The following TC2N variants were observed in gnomAD, a reference collection of about 807,000 sequenced individuals.
TC2N encodes the protein tandem C2 domains, nuclear.
Under a neutral mutation model 61.9 loss-of-function variants are expected in TC2N, and 51 were observed. The ratio of observed to expected loss-of-function variants is 0.82; its 90% CI spans 0.66 to 1.04. The LOEUF (loss-of-function observed/expected upper bound fraction) is 1.04, where lower values mean the gene tolerates loss of function less well. TC2N is among the 50% of genes least tolerant of loss of function. TC2N has a pLI of 0.00. For synonymous variants in TC2N, 204 were observed against 192.6 expected (o/e 1.06, Z -0.49); for missense variants, 556 against 566.7 (o/e 0.98, Z 0.19).
At chr14:91,799,761 A>G (rs1033492731) in intron 5 of TC2N, among the ~76,000 whole-genome samples, 17 of 152,254 alleles carry the variant, frequency 1.1e-4, no homozygotes, top group African/African-American at 4.1e-4. Context: ...TATAGGAAAT[A>G]TGGGAATTTG....
At chr14:91,827,420 C>G (rs1048770381) in intron 1 of TC2N, among the ~76,000 whole-genome samples, 9 of 152,176 alleles carry the variant, frequency 5.9e-5, no homozygotes, top group Admixed American at 5.9e-4. Flanking sequence ...CTAGAAGAAA[C>G]CTGCATTCCT....
intron 1 of TC2N, among the ~76,000 whole-genome samples, chr14:91,831,400 AAG>A (rs1015321372): frequency 6.6e-6 from 1 of 152,212 alleles, no homozygotes; most frequent in African/African-American, 2.4e-5. Context: ...ACTTTTTAAA[AAG>A]AAAAAAATTA....
intron 9 of TC2N, among the ~76,000 whole-genome samples, chr14:91,792,073 C>T (rs1885684395): frequency 6.6e-6 from 1 of 151,340 alleles, no homozygotes; most frequent in Non-Finnish European, 1.5e-5. Context: ...GAGCCGAGAT[C>T]GCACCACTGC....
At position 91,791,131 on chromosome 14, in the gene TC2N, C is replaced by CA. The variant is rs1363273869; in HGVS notation, c.1047+1235dup. Among the ~76,000 whole-genome samples the CA allele has an allele frequency of 2.6e-3, 324 of 124,960 alleles. 3 individuals are homozygous for CA. The highest frequency in any genetic ancestry group is 9.1e-3 in the African/African-American group (301 of 33,210). The allele number at this position is 124,960 out of a possible 152,430, so 82.0% of individuals were successfully genotyped here. A position where few individuals can be genotyped will look rare whatever the true frequency, so the allele number is the denominator to read the frequency against. On this transcript the variant is annotated intron_variant, in intron 9 of 11. Transcript: ENST00000435962. ...GGGCTACAGAGCTTTCTGTCTTCCT[C>CA]AAAAAAAAGGGGAAGGGAAGGGAGG...
At chr14:91,863,517 G>T (rs751088886) in intron 1 of TC2N, among the ~76,000 whole-genome samples, 4 of 152,168 alleles carry the variant, frequency 2.6e-5, no homozygotes, top group Non-Finnish European at 5.9e-5. Flanking sequence ...GCCTAAAAAG[G>T]TGAGATAGCT....
Position 91,813,719 on chromosome 14 carries a change from T to C in TC2N, c.51A>G (p.Glu17=), listed in dbSNP as rs758396322. ...KSCCGGCFYG[E]TEKHNFSVER... Reference sequence around the variant, plus strand: ...AAAACTCACAGTTGTGTTTTTCTGTTTCACCATAGAAACATCCTCCACAGC... The same window carrying C: ...AAAACTCACAGTTGTGTTTTTCTGTCTCACCATAGAAACATCCTCCACAGC... Residue 17 remains glutamate (E), a synonymous_variant, in exon 2 of 12, where the codon GAA becomes GAG. Coordinates refer to ENST00000435962, the MANE Select transcript of TC2N (RefSeq NM_001128596.3). The C allele has an allele frequency of 1.2e-6, 2 of 1,607,270 alleles. No individual in the cohort carries two copies. The highest frequency in any genetic ancestry group is 2.2e-5 in the South Asian group (2 of 90,454).
chr14:91,792,252 G>T, intron 9 of TC2N, 115 bp downstream of exon 9: 1 of 513,954 alleles, frequency 1.9e-6, no homozygotes, highest in Non-Finnish European at 3.3e-6. Flanking sequence ...ATTGCTACTT[G>T]AGAGCCTTCC....
chr14:91,797,111 A>G (rs1053200509), intron 8 of TC2N, among the ~76,000 whole-genome samples: 9 of 152,074 alleles, frequency 5.9e-5, no homozygotes, highest in African/African-American at 1.9e-4. Context: ...AATACCTGTA[A>G]AAGTTTTCCT....
In TC2N at chr14:91,805,658, C is replaced by T. The variant is rs118177849; in HGVS notation, c.302-3237G>A. On this transcript the variant is annotated intron_variant, in intron 3 of 11. Transcript: ENST00000435962. The stretch of plus-strand genomic sequence containing the variant: ...CCAGCTTGGTGACAGACTGAGACTC[C>T]GTTTCAAAAAAAAAAAAGTTTATAC... Among the ~76,000 whole-genome samples, 807 of 150,016 alleles carry T rather than the reference C, an allele frequency of 5.4e-3. 25 individuals carry two copies. In the South Asian group the frequency reaches 0.08, roughly 15 times the overall value.
At chr14:91,814,996 AT>A (rs1194314356) in intron 1 of TC2N, among the ~76,000 whole-genome samples, 6 of 151,652 alleles carry the variant, frequency 4.0e-5, no homozygotes, top group African/African-American at 7.2e-5. Context: ...GAAAAAGCAT[AT>A]TTAAAAAAAA....
At chr14:91,852,505 A>C (rs1200719264) in intron 1 of TC2N, among the ~76,000 whole-genome samples, 1 of 152,202 alleles carries the variant, frequency 6.6e-6, no homozygotes, top group Non-Finnish European at 1.5e-5. Context: ...CATTTCCTAA[A>C]GCAAAGATTG....
chr14:91,834,004 A>T (rs917061796), intron 1 of TC2N, among the ~76,000 whole-genome samples: 2 of 152,218 alleles, frequency 1.3e-5, no homozygotes, highest in African/African-American at 4.8e-5. Context: ...TTTTCCCCTG[A>T]ATGCATAATA....
At chr14:91,842,104 A>G (rs1462255197) in intron 1 of TC2N, among the ~76,000 whole-genome samples, 1 of 151,124 alleles carries the variant, frequency 6.6e-6, no homozygotes, top group African/African-American at 2.4e-5. Context: ...GAGTATAGGC[A>G]TGCCAACACA....
At chr14:91,797,235 A>T (rs949382876) in intron 8 of TC2N, among the ~76,000 whole-genome samples, 5 of 152,204 alleles carry the variant, frequency 3.3e-5, no homozygotes, top group East Asian at 3.9e-4. Context: ...TTATATGTTT[A>T]TTAGTCATTT....
At chr14:91,798,859 G>T in intron 6 of TC2N, 130 bp downstream of exon 6, 1 of 602,810 alleles carries the variant, frequency 1.7e-6, no homozygotes, top group South Asian at 2.3e-5. Context: ...GTTTTATTTA[G>T]ACTTAATTTA....
intron 1 of TC2N, chr14:91,836,096 T>G (rs1887987826): frequency 6.6e-6 from 1 of 152,350 alleles, no homozygotes; most frequent in Non-Finnish European, 1.5e-5. Flanking sequence ...CAGGCGTCGC[T>G]GAGGAGACGT....
Position 91,787,700 on chromosome 14 carries a change from AAAGCT to A in TC2N, c.1048-78_1048-74del, listed in dbSNP as rs1405502063. On this transcript the variant is annotated intron_variant, in intron 9 of 11. Coordinates refer to ENST00000435962, the MANE Select transcript of TC2N (RefSeq NM_001128596.3). ...AAACAATTCAAAAATTAAAAGATAAAAAGCTAAGGTTAGAAATTTTGAAAGTATTC... is the reference window on the plus strand; with the variant it reads ...AAACAATTCAAAAATTAAAAGATAAAAAGGTTAGAAATTTTGAAAGTATTC... The A allele has an allele frequency of 3.5e-6, 3 of 860,674 alleles. No homozygotes were observed. The African/African-American group carries it at 5.2e-5, about 15-fold the overall frequency. The allele number at this position is 860,674 out of a possible 1,614,324, so 53.3% of individuals were successfully genotyped here. A position where few individuals can be genotyped will look rare whatever the true frequency, so the allele number is the denominator to read the frequency against.
chr14:91,813,805 A>T lies in TC2N; in HGVS notation c.-36T>A. ...TTCCAATATCCAGCAAAAGACACAA[A>T]CTTCCAATCTTAATATTAATCTGTT... On this transcript the variant is annotated 5_prime_UTR_variant, in exon 2 of 12. Transcript: ENST00000435962. The T allele has an allele frequency of 1.4e-6, 2 of 1,430,732 alleles. No individual in the cohort carries two copies. Among genetic ancestry groups the T allele is most frequent in the Non-Finnish European group, 2.0e-6 (2 of 1,017,458 alleles). The allele number at this position is 1,430,732 out of a possible 1,614,324, so 88.6% of individuals were successfully genotyped here. A position where few individuals can be genotyped will look rare whatever the true frequency, so the allele number is the denominator to read the frequency against.
At chr14:91,805,469 C>CCT (rs1289974952) in intron 3 of TC2N, among the ~76,000 whole-genome samples, 1 of 152,180 alleles carries the variant, frequency 6.6e-6, no homozygotes. Context: ...GAGATCAAGA[C>CCT]CATCCTGGCC....
Sources: allele counts gnomAD v4.1 joint callset (sites outside exome capture counted in the v4.1 genomes callset), GRCh38; gene constraint gnomAD v4.1.1; transcripts MANE v1.5; gene names NCBI Gene and HGNC (gene_info 2026-07-23, HGNC 2026-07-21).